Variants in LDLRAD4 observed in about 807,000 individuals in gnomAD.
LDLRAD4 encodes the protein low density lipoprotein receptor class A domain containing 4, also known as low-density lipoprotein receptor class A domain-containing protein 4.
Under a neutral mutation model 17.0 loss-of-function variants are expected in LDLRAD4, and 5 were observed. The ratio of observed to expected loss-of-function variants is 0.29; its 90% CI spans 0.15 to 0.62. The LOEUF is 0.62. Among genes scored for constraint, LDLRAD4 ranks in the 20% least tolerant of loss-of-function variants. LDLRAD4 has a pLI of 0.84. For missense variants in LDLRAD4, 340 were observed against 424.7 expected, an observed-to-expected ratio of 0.80 and a Z score of 1.75; for synonymous variants, 168 against 171.8, an observed-to-expected ratio of 0.98 and a Z score of 0.17.
At chr18:13,233,932 A>G (rs1221811843) in intron 1 of LDLRAD4, among the ~76,000 whole-genome samples, 1 of 151,742 alleles carries the variant, frequency 6.6e-6, no homozygotes, top group African/African-American at 2.4e-5. Context: ...TCACTGTCCC[A>G]TTCCAGTCAC....
chr18:13,629,510 C>T (rs1350019694), intron 4 of LDLRAD4, among the ~76,000 whole-genome samples: 1 of 152,172 alleles, frequency 6.6e-6, no homozygotes, highest in East Asian at 1.9e-4. Context: ...CATGTATTAC[C>T]TTTGCAATTA....
At chr18:13,244,744 A>G (rs1017590899) in intron 1 of LDLRAD4, among the ~76,000 whole-genome samples, 3 of 152,108 alleles carry the variant, frequency 2.0e-5, no homozygotes, top group South Asian at 2.1e-4. Flanking sequence ...CACACACAGC[A>G]GGTCTTACTT....
chr18:13,338,683 G>T lies in LDLRAD4; in HGVS notation c.-382-48658G>T, dbSNP rs924280560. Among the ~76,000 whole-genome samples, 2 of 152,256 alleles carry T rather than the reference G, an allele frequency of 1.3e-5. 1 individual carries two copies. Among genetic ancestry groups the T allele is most frequent in the East Asian group, 3.9e-4 (2 of 5,194 alleles). On this transcript the variant is annotated intron_variant, in intron 1 of 5. Transcript: ENST00000359446. The stretch of plus-strand genomic sequence containing the variant: ...GTGGCCCTCTGTATGAAAAAATAAG[G>T]CTTACTTCTTGACACTTAAGGTCAT...
intron 3 of LDLRAD4, among the ~76,000 whole-genome samples, chr18:13,564,832 C>A (rs1292126559): frequency 6.6e-6 from 1 of 152,186 alleles, no homozygotes; most frequent in Non-Finnish European, 1.5e-5. Flanking sequence ...GTGCCTTGCT[C>A]TTTAGGCATG....
intron 1 of LDLRAD4, among the ~76,000 whole-genome samples, chr18:13,307,881 T>G (rs1460550701): frequency 1.3e-5 from 2 of 152,116 alleles, no homozygotes; most frequent in Non-Finnish European, 2.9e-5. Flanking sequence ...TTTTTGGGAG[T>G]CAAAAGCTAT....
intron 2 of LDLRAD4, among the ~76,000 whole-genome samples, chr18:13,424,197 C>T (rs2145909830): frequency 6.6e-6 from 1 of 152,076 alleles, no homozygotes; most frequent in Admixed American, 6.5e-5. Flanking sequence ...GATTTGGACA[C>T]TTAGTGGAGA....
intron 1 of LDLRAD4, among the ~76,000 whole-genome samples, chr18:13,338,596 C>G (rs1465080151): frequency 6.6e-6 from 1 of 152,176 alleles, no homozygotes; most frequent in Non-Finnish European, 1.5e-5. Context: ...TTGAACTGTG[C>G]CCCATCCTCT....
intron 1 of LDLRAD4, among the ~76,000 whole-genome samples, chr18:13,355,770 C>A (rs1161078933): frequency 6.6e-6 from 1 of 151,976 alleles, no homozygotes; most frequent in African/African-American, 2.4e-5. Flanking sequence ...TAGCTGGGAC[C>A]ACATGCATGT....
chr18:13,578,986 C>G (rs554454811), intron 3 of LDLRAD4, among the ~76,000 whole-genome samples: 75 of 151,438 alleles, frequency 5.0e-4, no homozygotes, highest in Non-Finnish European at 9.1e-4. Flanking sequence ...GTCAGGAGAT[C>G]GAGACCATCC....
intron 4 of LDLRAD4, chr18:13,642,866 G>A (rs1332416470): frequency 3.6e-6 from 2 of 548,536 alleles, no homozygotes; most frequent in Non-Finnish European, 2.8e-6. Flanking sequence ...GGTCTGAAAA[G>A]GGACGGGCTC....
At chr18:13,448,866 C>G (rs2091607857) in intron 3 of LDLRAD4, among the ~76,000 whole-genome samples, 1 of 152,196 alleles carries the variant, frequency 6.6e-6, no homozygotes. Context: ...ACGTCGTGGA[C>G]TGCAGAGGTG....
intron 1 of LDLRAD4, among the ~76,000 whole-genome samples, chr18:13,227,094 C>T (rs2041851301): frequency 6.6e-6 from 1 of 152,188 alleles, no homozygotes; most frequent in South Asian, 2.1e-4. Context: ...ATTCATGATC[C>T]TCCATACTCC....
At chr18:13,608,605 T>G (rs1014861615) in intron 3 of LDLRAD4, among the ~76,000 whole-genome samples, 1 of 152,196 alleles carries the variant, frequency 6.6e-6, no homozygotes, top group African/African-American at 2.4e-5. Flanking sequence ...AATCCCTGGC[T>G]TAGGCTGCCT....
rs1491536129 is a variant in LDLRAD4 at position 13,610,305 on chromosome 18, T to TTTTTTTTTTTTTTTTTC, written c.182-10812_182-10811insTTTTTTTTTTTTTTTTC. Among the ~76,000 whole-genome samples the TTTTTTTTTTTTTTTTTC allele has an allele frequency of 4.8e-3, 116 of 24,356 alleles. 38 individuals are homozygous for TTTTTTTTTTTTTTTTTC. The highest frequency in any genetic ancestry group is 8.4e-3 in the Non-Finnish European group (97 of 11,540). 16.0% of individuals were successfully genotyped at this position (24,356 alleles called of 152,430 possible). ...TTTTTTTTTTTTTTTTTTTTTTTTT[T>TTTTTTTTTTTTTTTTTC]GAGACGGAGTCTCACTCTGTCGCCC... On this transcript the variant is annotated intron_variant, in intron 3 of 5. Coordinates refer to ENST00000359446, the Ensembl canonical transcript of LDLRAD4.
At chr18:13,371,574 C>A (rs928315304) in intron 1 of LDLRAD4, among the ~76,000 whole-genome samples, 1 of 152,078 alleles carries the variant, frequency 6.6e-6, no homozygotes, top group African/African-American at 2.4e-5. Context: ...ACCAGCCTGG[C>A]CAACATGATG....
exon 6 of LDLRAD4, chr18:13,649,343 C>T (rs1320556730): frequency 6.6e-6 from 1 of 152,244 alleles, no homozygotes; most frequent in Non-Finnish European, 1.5e-5. Context: ...CTAGAAGAAT[C>T]CATCCAAATC....
At chr18:13,402,636 C>T (rs974950553) in intron 2 of LDLRAD4, among the ~76,000 whole-genome samples, 10 of 152,140 alleles carry the variant, frequency 6.6e-5, no homozygotes, top group Admixed American at 1.3e-4. Context: ...CATTTGTTTC[C>T]GTAGCTCCTA....
chr18:13,375,862 A>G (rs1004300481), intron 1 of LDLRAD4, among the ~76,000 whole-genome samples: 1 of 152,106 alleles, frequency 6.6e-6, no homozygotes, highest in Non-Finnish European at 1.5e-5. Context: ...GGTCTTGTCC[A>G]CCGGCGTATG....
At chr18:13,409,486 TGATA>T (rs2145667467) in intron 2 of LDLRAD4, among the ~76,000 whole-genome samples, 1 of 152,390 alleles carries the variant, frequency 6.6e-6, no homozygotes, top group African/African-American at 2.4e-5. Context: ...TTTAAGCTAC[TGATA>T]GATAGGTCAG....
Sources: allele counts gnomAD v4.1 joint callset (sites outside exome capture counted in the v4.1 genomes callset), GRCh38; gene constraint gnomAD v4.1.1; transcripts MANE v1.5; gene names NCBI Gene and HGNC (gene_info 2026-07-23, HGNC 2026-07-21).